The following TOX2 variants were observed in gnomAD, a reference collection of about 807,000 sequenced individuals.
TOX2 encodes the protein granulosa cell HMG box 1.
A neutral mutation model predicts 47.4 loss-of-function variants in TOX2; 15 were observed. The observed-to-expected ratio is 0.32, with a 90% CI of 0.21 to 0.49. TOX2 has a LOEUF of 0.49. TOX2 is among the 20% of genes least tolerant of loss of function. The pLI is 0.99. For synonymous variants in TOX2, 290 were observed against 296.6 expected (o/e 0.98, Z 0.23); for missense variants, 622 against 673.1 (o/e 0.92, Z 0.84).
chr20:44,041,089 G>A (rs894404404), intron 3 of TOX2, among the ~76,000 whole-genome samples: 1 of 152,218 alleles, frequency 6.6e-6, no homozygotes, highest in African/African-American at 2.4e-5. Context: ...CATGGATGTA[G>A]CCTCGGCTGG....
At position 43,955,755 on chromosome 20, in the gene TOX2, C is replaced by T. The variant is rs557322643; in HGVS notation, c.100-17612C>T. On this transcript the variant is annotated intron_variant, in intron 1 of 8. Coordinates refer to ENST00000341197, the MANE Select transcript of TOX2 (RefSeq NM_001098797.2). ...TCATTCTAGCCATCAGTATAAATTT[C>T]TAGTTTTGAATCACTGCCACGCTGT... 3.3e-5 allele frequency among the ~76,000 whole-genome samples: 5 copies of T among 152,320 alleles called. No homozygotes were observed. In the South Asian group the frequency reaches 1.0e-3, roughly 32 times the overall value.
chr20:43,938,471 G>A (rs1439780653), intron 1 of TOX2, among the ~76,000 whole-genome samples: 1 of 152,202 alleles, frequency 6.6e-6, no homozygotes, highest in African/African-American at 2.4e-5. Flanking sequence ...AAGCAATCCT[G>A]GCTCCTGCCC....
chr20:43,982,290 A>G (rs2070182410), intron 2 of TOX2, among the ~76,000 whole-genome samples: 1 of 152,164 alleles, frequency 6.6e-6, no homozygotes. Flanking sequence ...GCTGTGGGGC[A>G]TGGGAGAATG....
At chr20:44,021,833 C>A (rs1277266125) in intron 3 of TOX2, among the ~76,000 whole-genome samples, 1 of 151,470 alleles carries the variant, frequency 6.6e-6, no homozygotes, top group Non-Finnish European at 1.5e-5. Flanking sequence ...ATGGGGTTTC[C>A]CTGTGTTGCC....
intron 2 of TOX2, among the ~76,000 whole-genome samples, chr20:43,995,624 A>C (rs568849076): frequency 1.2e-4 from 19 of 152,274 alleles, no homozygotes; most frequent in Non-Finnish European, 2.6e-4. Flanking sequence ...CCAGGTATTC[A>C]GCCTAGTACC....
intron 2 of TOX2, among the ~76,000 whole-genome samples, chr20:44,000,740 G>A (rs1452101409): frequency 1.3e-5 from 2 of 152,030 alleles, no homozygotes; most frequent in Non-Finnish European, 2.9e-5. Context: ...AGAAGAATGG[G>A]AACCAACAAA....
chr20:44,006,932 G>A lies in TOX2; in HGVS notation c.411+140G>A, dbSNP rs373495136. On this transcript the variant is annotated intron_variant, in intron 3 of 8. Coordinates refer to ENST00000341197, the MANE Select transcript of TOX2 (RefSeq NM_001098797.2). ...GGGTTTACCTGGTTGCTTGGAGTTG[G>A]TAATCCCATGCTGGGATTACCTGGT... The A allele has an allele frequency of 1.5e-5, 20 of 1,295,142 alleles. 1 individual carries two copies. Among genetic ancestry groups the A allele is most frequent in the East Asian group, 1.3e-4 (5 of 39,306 alleles). 80.2% of individuals were successfully genotyped at this position (1,295,142 alleles called of 1,614,324 possible). A position where few individuals can be genotyped will look rare whatever the true frequency, so the allele number is the denominator to read the frequency against.
At chr20:43,941,021 T>C (rs2069395950) in intron 1 of TOX2, among the ~76,000 whole-genome samples, 1 of 152,208 alleles carries the variant, frequency 6.6e-6, no homozygotes, top group Non-Finnish European at 1.5e-5. Context: ...AAATTGAACT[T>C]GGCAATTACT....
intron 1 of TOX2, among the ~76,000 whole-genome samples, chr20:43,961,121 C>T (rs1314675407): frequency 6.6e-6 from 1 of 152,248 alleles, no homozygotes; most frequent in Non-Finnish European, 1.5e-5. Flanking sequence ...CGGGGTGCCC[C>T]CATGGCAGAG....
intron 2 of TOX2, among the ~76,000 whole-genome samples, chr20:43,990,999 A>G (rs1020140968): frequency 1.3e-5 from 2 of 152,218 alleles, no homozygotes; most frequent in Admixed American, 1.3e-4. Flanking sequence ...TGCTGCTTTT[A>G]AAATCAGCAC....
At chr20:43,946,085 C>T (rs1484672995) in intron 1 of TOX2, 8 of 1,606,604 alleles carry the variant, frequency 5.0e-6, no homozygotes, top group African/African-American at 2.7e-5. Flanking sequence ...GTGGTCAGGC[C>T]GTCACTGTGG....
Position 44,000,591 on chromosome 20 carries a change from C to T in TOX2, c.166-5956C>T, listed in dbSNP as rs943986683. Among the ~76,000 whole-genome samples, 7 of 151,888 alleles carry T rather than the reference C, an allele frequency of 4.6e-5. 1 individual carries two copies. The highest frequency in any genetic ancestry group is 2.6e-4 in the Admixed American group (4 of 15,252). On this transcript the variant is annotated intron_variant, in intron 2 of 8. Coordinates refer to ENST00000341197, the MANE Select transcript of TOX2 (RefSeq NM_001098797.2). ...CAGCATTTCAGGGGAAGGTCTGGCT[C>T]GGTGGTAAGAACTGGAGCTCAGCAG...
At chr20:44,026,252 C>CTATATATATAT (rs1569109288) in intron 3 of TOX2, among the ~76,000 whole-genome samples, 3 of 81,908 alleles carry the variant, frequency 3.7e-5, no homozygotes, top group Admixed American at 2.3e-4. Context: ...TATATATAGA[C>CTATATATATAT]ACACACACAC....
chr20:43,939,291 A>T (rs2069370887), intron 1 of TOX2, among the ~76,000 whole-genome samples: 2 of 152,234 alleles, frequency 1.3e-5, no homozygotes, highest in Admixed American at 6.5e-5. Context: ...AATGGGGATA[A>T]TAATTGCATC....
Position 44,004,596 on chromosome 20 carries a change from C to T in TOX2, c.166-1951C>T, listed in dbSNP as rs560685725. Among the ~76,000 whole-genome samples, 156 of 152,282 alleles carry T rather than the reference C, an allele frequency of 1.0e-3. 1 individual carries two copies. The highest frequency in any genetic ancestry group is 0.01 in the Middle Eastern group (3 of 294). ...GCACTTACCCTCTCAGTCTGTTCTA[C>T]GACTGTAAAGGGTAGTCTAGGGCTC... On this transcript the variant is annotated intron_variant, in intron 2 of 8. Coordinates refer to ENST00000341197, the MANE Select transcript of TOX2 (RefSeq NM_001098797.2).
At chr20:44,005,693 C>T (rs993134543) in intron 2 of TOX2, among the ~76,000 whole-genome samples, 7 of 152,164 alleles carry the variant, frequency 4.6e-5, no homozygotes, top group Non-Finnish European at 7.3e-5. Context: ...TTGAGCCTGT[C>T]AGTGGATGCA....
chr20:43,979,514 T>C (rs1364545570), intron 2 of TOX2, among the ~76,000 whole-genome samples: 1 of 152,050 alleles, frequency 6.6e-6, no homozygotes, highest in Non-Finnish European at 1.5e-5. Context: ...AAAGGATAAA[T>C]AAAATCCTTT....
At chr20:44,043,087 C>T (rs74356807) in intron 3 of TOX2, among the ~76,000 whole-genome samples, 3,794 of 152,216 alleles carry the variant, frequency 0.025, 59 homozygotes, top group Middle Eastern at 0.065. Flanking sequence ...TATATGCTTG[C>T]GGGGCATCCG....
chr20:43,973,269 C>T, intron 1 of TOX2, 98 bp from the exon 2 acceptor site: 1 of 1,193,202 alleles, frequency 8.4e-7, no homozygotes, highest in Non-Finnish European at 1.2e-6. Context: ...TCCCACAGTC[C>T]CCTGCAGTCA....
Sources: allele counts gnomAD v4.1 joint callset (sites outside exome capture counted in the v4.1 genomes callset), GRCh38; gene constraint gnomAD v4.1.1; transcripts MANE v1.5; gene names NCBI Gene and HGNC (gene_info 2026-07-23, HGNC 2026-07-21).